Variants in NOM1 observed in about 807,000 individuals in gnomAD.
The protein encoded by NOM1 is nucleolar protein with MIF4G domain 1.
NOM1 carries 58 observed loss-of-function variants against 73.3 expected under a neutral mutation model. The ratio of observed to expected loss-of-function variants is 0.79; its 90% confidence interval spans 0.64 to 0.99. The LOEUF (loss-of-function observed/expected upper bound fraction) is 0.99. Ranked by LOEUF, NOM1 falls within the 50% of genes least tolerant of loss-of-function variation. The pLI is 0.00. For missense variants in NOM1, 1,226 were observed against 1,131.9 expected (o/e 1.08, Z -1.19); for synonymous variants, 487 against 446.8 (o/e 1.09, Z -1.14).
chr7:156,965,748 T>G (rs941058641), intron 7 of NOM1, among the ~76,000 whole-genome samples: 1 of 151,740 alleles, frequency 6.6e-6, no homozygotes, highest in Non-Finnish European at 1.5e-5. Flanking sequence ...AAACCCCATC[T>G]CTACTAAAAA....
At chr7:156,964,567 A>AC (rs918218183) in intron 7 of NOM1, among the ~76,000 whole-genome samples, 3 of 151,214 alleles carry the variant, frequency 2.0e-5, no homozygotes, top group African/African-American at 7.3e-5. Flanking sequence ...ACATACTGAG[A>AC]CCCCCATCTC....
intron 2 of NOM1, among the ~76,000 whole-genome samples, chr7:156,953,703 A>G (rs1188517476): frequency 1.3e-5 from 2 of 152,232 alleles, no homozygotes; most frequent in African/African-American, 2.4e-5. Context: ...TTCTAGTGTT[A>G]GGAACTAAGG....
intron 8 of NOM1, 98 bp from the exon 9 acceptor site, chr7:156,966,862 AT>A: frequency 7.8e-7 from 1 of 1,289,670 alleles, no homozygotes; most frequent in Non-Finnish European, 1.1e-6. Flanking sequence ...AATATTAAAA[AT>A]AAGATAATAA....
rs1010713552 is a variant in NOM1, at chr7:156,970,473, A to C, written c.*770A>C. 6.6e-6 allele frequency: 1 copy of C among 152,214 alleles called. No homozygotes were observed. The highest frequency in any genetic ancestry group is 2.4e-5 in the African/African-American group (1 of 41,386). 9.4% of individuals were successfully genotyped at this position (152,214 alleles called of 1,614,324 possible). On this transcript the variant is annotated 3_prime_UTR_variant, in exon 11 of 11. Transcript: ENST00000275820. Reference sequence around the variant, plus strand: ...CCAGAGTGGAGTGCAGTGTCCTGTAATCTCAGCTCACTGCAACCTCTACCT... The same window carrying C: ...CCAGAGTGGAGTGCAGTGTCCTGTACTCTCAGCTCACTGCAACCTCTACCT...
At position 156,973,024 on chromosome 7, in the gene NOM1, AT is replaced by A. The variant is rs1268858943; in HGVS notation, c.*3322del. Reference sequence around the variant, plus strand: ...TGCAGGATGCTTAGTGCTCAGTGTTATGTATGAACTTGTGGACTTTACAATG... The same window carrying A: ...TGCAGGATGCTTAGTGCTCAGTGTTAGTATGAACTTGTGGACTTTACAATG... On this transcript the variant is annotated 3_prime_UTR_variant, in exon 11 of 11. Coordinates refer to ENST00000275820, the MANE Select transcript of NOM1 (RefSeq NM_138400.2). 6.6e-6 allele frequency: 1 copy of A among 152,232 alleles called. No individual in the cohort carries two copies. The highest frequency in any genetic ancestry group is 2.4e-5 in the African/African-American group (1 of 41,470). 9.4% of individuals were successfully genotyped at this position (152,232 alleles called of 1,614,324 possible). A position where few individuals can be genotyped will look rare whatever the true frequency, so the allele number is the denominator to read the frequency against.
intron 3 of NOM1, among the ~76,000 whole-genome samples, chr7:156,958,227 A>G (rs1804775161): frequency 6.6e-6 from 1 of 152,102 alleles, no homozygotes. Flanking sequence ...GCCCCTGTTG[A>G]AGCTTAATAA....
At chr7:156,964,311 G>A (rs1804944078) in intron 7 of NOM1, 1 of 189,702 alleles carries the variant, frequency 5.3e-6, no homozygotes, top group Non-Finnish European at 1.1e-5. Context: ...TGTTGCTCAG[G>A]CTGGAGACTG....
intron 3 of NOM1, among the ~76,000 whole-genome samples, chr7:156,958,251 C>T (rs887612): frequency 0.52 from 79,641 of 152,088 alleles, 21,132 homozygotes; most frequent in Middle Eastern, 0.66. Context: ...CTGAGCTGGT[C>T]TTGTCCAGCC....
Position 156,950,617 on chromosome 7 carries a change from G to A in NOM1, c.880G>A (p.Glu294Lys). Residue 294 changes from glutamate to lysine, a missense_variant, in exon 1 of 11, where the codon GAA (glutamate) becomes AAA (lysine). Transcript: ENST00000275820. ...GGATACAGAAGAGGAACAGGGGGAA[G>A]AAAAGGAAAAGGGAGCGCAGGAGAA... ...DEDTEEEQGE[E>K]KEKGAQEKRR... is the part of the protein sequence containing the mutation. The A allele has an allele frequency of 1.3e-6, 2 of 1,564,202 alleles. No homozygotes were observed. Among genetic ancestry groups the A allele is most frequent in the African/African-American group, 1.4e-5 (1 of 73,488 alleles).
chr7:156,954,175 C>T lies in NOM1; in HGVS notation c.1185C>T (p.Asp395=). 6.2e-7 allele frequency: 1 copy of T among 1,613,774 alleles called. No homozygotes were observed. The highest frequency in any genetic ancestry group is 8.5e-7 in the Non-Finnish European group (1 of 1,179,894). ...EELYMAHSRK[D]MNDTLTSALM... is the part of the protein sequence containing the mutation. ...TGTACATGGCCCACAGCAGAAAGGACATGAATGACACCCTGACCTCCGCTC... is the reference window on the plus strand; with the variant it reads ...TGTACATGGCCCACAGCAGAAAGGATATGAATGACACCCTGACCTCCGCTC... Residue 395 remains aspartate (D), a synonymous_variant, in exon 3 of 11, where the codon GAC becomes GAT. Transcript: ENST00000275820.
intron 4 of NOM1, among the ~76,000 whole-genome samples, chr7:156,961,815 G>T (rs1434826283): frequency 6.6e-6 from 1 of 152,174 alleles, no homozygotes; most frequent in Middle Eastern, 3.2e-3. Flanking sequence ...CGGGGGGCCA[G>T]GGTGGGAGCA....
At chr7:156,968,183 G>C (rs904201065) in intron 9 of NOM1, among the ~76,000 whole-genome samples, 1 of 152,174 alleles carries the variant, frequency 6.6e-6, no homozygotes, top group Non-Finnish European at 1.5e-5. Context: ...TCATGGAGGA[G>C]GCGTTGCTCC....
chr7:156,968,140 T>C (rs575032714), intron 9 of NOM1, among the ~76,000 whole-genome samples: 1 of 152,294 alleles, frequency 6.6e-6, no homozygotes, highest in East Asian at 1.9e-4. Flanking sequence ...CACCGAGCCT[T>C]ACGCCAAATC....
At position 156,952,497 on chromosome 7, in the gene NOM1, G is replaced by A. The variant is rs748879097; in HGVS notation, c.1011G>A (p.Lys337=). 2 of 1,613,518 alleles carry A rather than the reference G, an allele frequency of 1.2e-6. No individual in the cohort carries two copies. The highest frequency in any genetic ancestry group is 8.5e-7 in the Non-Finnish European group (1 of 1,179,896). ...TDKSLCGSGE[K]YIPPHVRQAE... Reference sequence around the variant, plus strand: ...AGAGTCTTTGTGGAAGTGGTGAAAAGTACATCCCACCTCATGTGAGGCAAG... The same window carrying A: ...AGAGTCTTTGTGGAAGTGGTGAAAAATACATCCCACCTCATGTGAGGCAAG... Residue 337 remains lysine (K), a synonymous_variant, in exon 2 of 11, where the codon AAG becomes AAA. Transcript: ENST00000275820.
rs140236978 is a variant in NOM1 at position 156,960,398 on chromosome 7, T to TA, written c.1632+230dup. 6.6e-3 allele frequency: 3,492 copies of TA among 525,376 alleles called. 104 individuals are homozygous for TA. The highest frequency in any genetic ancestry group is 0.06 in the African/African-American group (3,078 of 51,326). The allele number at this position is 525,376 out of a possible 1,614,324, so 32.5% of individuals were successfully genotyped here. On this transcript the variant is annotated intron_variant, in intron 4 of 10. Transcript: ENST00000275820. ...ACTGATTTATTTAACATTCATCCGT[T>TA]AAAAAATGCTTACCGAGGAGGCCAC...
rs115576714 is a variant in NOM1 at position 156,968,080 on chromosome 7, G to A, written c.2298+988G>A. Among the ~76,000 whole-genome samples the A allele has an allele frequency of 5.7e-3, 872 of 152,286 alleles. 10 individuals are homozygous for A. Among genetic ancestry groups the A allele is most frequent in the African/African-American group, 0.019 (808 of 41,552 alleles). On this transcript the variant is annotated intron_variant, in intron 9 of 10. Transcript: ENST00000275820. ...GCATGCCGGCTCCAGTTCACCCTGC[G>A]TCCCTTGCTGTGTGGTGTCCAAGTT...
At position 156,954,264 on chromosome 7, in the gene NOM1, TAGTC is replaced by T. The variant is rs1259683243; in HGVS notation, c.1277_1280del (p.Val426AlafsTer20). On this transcript the variant is annotated frameshift_variant, in exon 3 of 11. Coordinates refer to ENST00000275820, the MANE Select transcript of NOM1 (RefSeq NM_138400.2). LOFTEE classifies it high-confidence loss of function. ...AGACTGATGATGGAGCATGTTCTCTTAGTCAGCATCCTTCACCACACAGTTGGAA... is the reference window on the plus strand; with the variant it reads ...AGACTGATGATGGAGCATGTTCTCTTAGCATCCTTCACCACACAGTTGGAA... The T allele has an allele frequency of 3.2e-5, 52 of 1,605,756 alleles. No homozygotes were observed. The highest frequency in any genetic ancestry group is 4.2e-5 in the Non-Finnish European group (50 of 1,176,884).
At chr7:156,958,110 A>G (rs1049135891) in intron 3 of NOM1, among the ~76,000 whole-genome samples, 1 of 143,270 alleles carries the variant, frequency 7.0e-6, no homozygotes, top group Non-Finnish European at 1.6e-5. Context: ...CAGTCCAGCA[A>G]TGATGTCTGT....
intron 7 of NOM1, 98 bp from the exon 8 acceptor site, chr7:156,966,172 C>A: frequency 6.6e-7 from 1 of 1,510,560 alleles, no homozygotes; most frequent in South Asian, 1.2e-5. Context: ...CGCCTCTAAC[C>A]AGACCCTTCC....
Sources: allele counts gnomAD v4.1 joint callset (sites outside exome capture counted in the v4.1 genomes callset), GRCh38; gene constraint gnomAD v4.1.1; transcripts MANE v1.5; gene names NCBI Gene and HGNC (gene_info 2026-07-23, HGNC 2026-07-21).